The following PTGFR variants were observed in gnomAD, a reference collection of about 807,000 sequenced individuals.
PTGFR encodes the protein prostaglandin F receptor.
A neutral mutation model predicts 26.2 loss-of-function variants in PTGFR; 15 were observed. The ratio of observed to expected loss-of-function variants is 0.57; its 90% CI spans 0.38 to 0.88. The LOEUF (loss-of-function observed/expected upper bound fraction) is 0.88, where lower values mean the gene tolerates loss of function less well. Ranked by LOEUF, PTGFR falls within the 40% of genes least tolerant of loss-of-function variation. The probability of loss-of-function intolerance (pLI) is 0.00; values close to 1 mark genes in which losing one functional copy is unlikely to be tolerated. For missense variants in PTGFR, 369 were observed against 427.2 expected (o/e 0.86, Z 1.20); for synonymous variants, 165 against 151.1 (o/e 1.09, Z -0.68).
chr1:78,528,022 C>T (rs1357697923), intron 2 of PTGFR, among the ~76,000 whole-genome samples: 2 of 151,942 alleles, frequency 1.3e-5, no homozygotes, highest in Non-Finnish European at 2.9e-5. Context: ...GGGGTATAAC[C>T]ATTGCACTAG....
chr1:78,500,425 T>C (rs2100355872), intron 2 of PTGFR, among the ~76,000 whole-genome samples: 1 of 152,356 alleles, frequency 6.6e-6, no homozygotes, highest in South Asian at 2.1e-4. Context: ...TTGTCCAAGA[T>C]TGTGTCCCTG....
intron 2 of PTGFR, among the ~76,000 whole-genome samples, chr1:78,494,298 A>C (rs539520275): frequency 2.5e-4 from 38 of 152,232 alleles, no homozygotes; most frequent in African/African-American, 8.7e-4. Context: ...GTATGACCTT[A>C]ACTCCTTCTA....
At chr1:78,513,338 A>G (rs1453955274) in intron 2 of PTGFR, among the ~76,000 whole-genome samples, 8 of 152,204 alleles carry the variant, frequency 5.3e-5, no homozygotes, top group Non-Finnish European at 5.9e-5. Context: ...GAAATGAGGA[A>G]GTTAATGGGA....
chr1:78,498,396 C>CAT (rs780960970), intron 2 of PTGFR, among the ~76,000 whole-genome samples: 5 of 151,792 alleles, frequency 3.3e-5, no homozygotes, highest in Non-Finnish European at 7.4e-5. Context: ...TAAATGTGTA[C>CAT]ATATATATAT....
intron 2 of PTGFR, among the ~76,000 whole-genome samples, chr1:78,511,851 G>A (rs1649978668): frequency 6.6e-6 from 1 of 152,046 alleles, no homozygotes; most frequent in Admixed American, 6.6e-5. Context: ...TCTGATCATA[G>A]GCTGTTAGAA....
chr1:78,517,022 C>T (rs1470213966), intron 2 of PTGFR, among the ~76,000 whole-genome samples: 1 of 152,160 alleles, frequency 6.6e-6, no homozygotes, highest in Non-Finnish European at 1.5e-5. Flanking sequence ...GAGAACACTA[C>T]TGTTTGCAAT....
chr1:78,493,321 T>A lies in PTGFR; in HGVS notation c.578T>A (p.Ile193Asn). 6.2e-7 allele frequency: 1 copy of A among 1,614,226 alleles called. No individual in the cohort carries two copies. Among genetic ancestry groups the A allele is most frequent in the Non-Finnish European group, 8.5e-7 (1 of 1,180,046 alleles). ...RTWCFYNTED[I>N]KDWEDRFYLL... is the part of the protein sequence containing the mutation. ...TGGTGTTTCTACAACACAGAAGACA[T>A]CAAAGACTGGGAAGATAGATTTTAT... The change falls in exon 2 of 3, where the codon ATC becomes AAC. Residue 193 changes from isoleucine (I) to asparagine (N), a missense_variant. Physicochemically the swap from Ile to Asn is moderately radical, Grantham distance 149 (BLOSUM62 -3). Coordinates refer to ENST00000370757, the MANE Select transcript of PTGFR (RefSeq NM_000959.4).
rs760409524 is a variant in PTGFR, at chr1:78,493,272, T to G, written c.529T>G (p.Tyr177Asp). The change falls in exon 2 of 3, where the codon TAT becomes GAT. Residue 177 changes from tyrosine to aspartate, a missense_variant. Physicochemically the swap from Tyr to Asp is radical, Grantham distance 160. Transcript: ENST00000370757. ...GCTGCCCATCCTTGGACATCGAGAC[T>G]ATAAAATTCAGGCGTCGAGGACCTG... ...ALLPILGHRD[Y>D]KIQASRTWCF... The G allele has an allele frequency of 6.2e-7, 1 of 1,614,196 alleles. No homozygotes were observed.
intron 1 of PTGFR, among the ~76,000 whole-genome samples, chr1:78,492,124 T>C (rs1015735317): frequency 7.2e-5 from 11 of 152,228 alleles, no homozygotes; most frequent in African/African-American, 2.7e-4. Flanking sequence ...ATTTGATTTA[T>C]GCTTAGAAAC....
chr1:78,497,793 A>C (rs995972034), intron 2 of PTGFR: 25 of 937,534 alleles, frequency 2.7e-5, no homozygotes, highest in Non-Finnish European at 5.1e-6. Flanking sequence ...TTCCCTAATC[A>C]CCAACGGTAG....
At chr1:78,530,499 A>C (rs1447860288) in intron 2 of PTGFR, among the ~76,000 whole-genome samples, 1 of 152,174 alleles carries the variant, frequency 6.6e-6, no homozygotes, top group Non-Finnish European at 1.5e-5. Context: ...ATTAAAAATG[A>C]GCTCTCCTGG....
intron 2 of PTGFR, among the ~76,000 whole-genome samples, chr1:78,513,649 T>C (rs927771570): frequency 2.6e-5 from 4 of 151,536 alleles, no homozygotes; most frequent in African/African-American, 7.3e-5. Context: ...AAGCAGTCTG[T>C]GGAGCAATCA....
rs150523230 is a variant in PTGFR at position 78,531,903 on chromosome 1, A to G, written c.799-4503A>G. On this transcript the variant is annotated intron_variant, in intron 2 of 2. Coordinates refer to ENST00000370757, the MANE Select transcript of PTGFR (RefSeq NM_000959.4). Reference sequence around the variant, plus strand: ...CATATACTGACATTATCTCATTTCAATATGTTCTACATATTATACTGATAT... The same window carrying G: ...CATATACTGACATTATCTCATTTCAGTATGTTCTACATATTATACTGATAT... Among the ~76,000 whole-genome samples the G allele has an allele frequency of 5.9e-5, 9 of 152,206 alleles. No homozygotes were observed. The East Asian group carries it at 7.7e-4, about 13-fold the overall frequency.
In PTGFR at chr1:78,517,535, G is replaced by A. The variant is rs115760433; in HGVS notation, c.799-18871G>A. 3.6e-3 allele frequency among the ~76,000 whole-genome samples: 555 copies of A among 152,246 alleles called. 2 individuals carry two copies. Among genetic ancestry groups the A allele is most frequent in the African/African-American group, 0.012 (506 of 41,558 alleles). On this transcript the variant is annotated intron_variant, in intron 2 of 2. Coordinates refer to ENST00000370757, the MANE Select transcript of PTGFR (RefSeq NM_000959.4). ...TGAGTGACAAAAAGGAGCCAGCCATGGGAAATTACTGGGGCAGGGTGGTTG... is the reference window on the plus strand; with the variant it reads ...TGAGTGACAAAAAGGAGCCAGCCATAGGAAATTACTGGGGCAGGGTGGTTG...
intron 2 of PTGFR, among the ~76,000 whole-genome samples, chr1:78,525,548 G>A (rs1247844614): frequency 6.6e-6 from 1 of 151,980 alleles, no homozygotes; most frequent in African/African-American, 2.4e-5. Context: ...AAGATCATCT[G>A]AATTGTGGGA....
intron 2 of PTGFR, among the ~76,000 whole-genome samples, chr1:78,509,239 T>C (rs1293788343): frequency 6.6e-6 from 1 of 152,206 alleles, no homozygotes; most frequent in Non-Finnish European, 1.5e-5. Flanking sequence ...AGGCCCATTC[T>C]GCCTAGTGCC....
At chr1:78,509,080 G>A (rs769686382) in intron 2 of PTGFR, among the ~76,000 whole-genome samples, 69 of 152,118 alleles carry the variant, frequency 4.5e-4, no homozygotes, top group Non-Finnish European at 6.2e-4. Flanking sequence ...GTTGGACTCC[G>A]GAATTCTGAC....
In PTGFR at chr1:78,505,120, C is replaced by CTT. The variant is rs11383272; in HGVS notation, c.798+11597_798+11598dup. On this transcript the variant is annotated intron_variant, in intron 2 of 2. Transcript: ENST00000370757. ...TAGTTTTATAGCACTTTTATTCTAA[C>CTT]TTTTTTTTTTTTTTTTTTTGAGATG... Among the ~76,000 whole-genome samples, 179 of 127,180 alleles carry CTT rather than the reference C, an allele frequency of 1.4e-3. 2 individuals are homozygous for CTT. Among genetic ancestry groups the CTT allele is most frequent in the Middle Eastern group, 4.0e-3 (1 of 252 alleles). 83.4% of individuals were successfully genotyped at this position (127,180 alleles called of 152,430 possible).
chr1:78,518,430 T>A (rs560124207), intron 2 of PTGFR, among the ~76,000 whole-genome samples: 26 of 152,128 alleles, frequency 1.7e-4, no homozygotes, highest in African/African-American at 6.3e-4. Context: ...ACACAAAAAA[T>A]TAGGCAACTC....
Sources: gnomAD v4.1 joint callset for allele counts (sites outside exome capture counted in the v4.1 genomes callset) on GRCh38, gnomAD v4.1.1 for gene constraint, MANE v1.5 for transcripts, NCBI Gene and HGNC (gene_info 2026-07-23, HGNC 2026-07-21) for gene names.